Variants in MYO5B observed in about 807,000 individuals in gnomAD.
MYO5B encodes the protein unconventional myosin-Vb.
A neutral mutation model predicts 229.3 loss-of-function variants in MYO5B; 143 were observed. The ratio of observed to expected loss-of-function variants is 0.62; its 90% CI spans 0.54 to 0.72. The LOEUF (loss-of-function observed/expected upper bound fraction) is 0.72, where lower values mean the gene tolerates loss of function less well. MYO5B is among the 30% of genes least tolerant of loss of function. The probability of loss-of-function intolerance (pLI) is 0.00; values close to 1 mark genes in which losing one functional copy is unlikely to be tolerated. For synonymous variants in MYO5B, 918 were observed against 885.2 expected (o/e 1.04, Z -0.66); for missense variants, 2,321 against 2,331.0 (o/e 1.00, Z 0.09).
At chr18:49,847,088 A>C in intron 33 of MYO5B, 58 bp downstream of exon 33, 1 of 1,601,418 alleles carries the variant, frequency 6.2e-7, no homozygotes, top group Non-Finnish European at 8.5e-7. Context: ...GGGGATGGAG[A>C]TGGGAGCGGG....
chr18:49,953,090 A>G (rs1270632264), intron 14 of MYO5B, among the ~76,000 whole-genome samples, 170 bp downstream of exon 14: 3 of 152,252 alleles, frequency 2.0e-5, no homozygotes, highest in East Asian at 3.9e-4. Context: ...ACACATTCAC[A>G]GTGGTATGGC....
chr18:50,185,305 G>C (rs1252220162), intron 1 of MYO5B, among the ~76,000 whole-genome samples: 4 of 151,494 alleles, frequency 2.6e-5, no homozygotes, highest in African/African-American at 9.7e-5. Context: ...AAAAAAAAGA[G>C]AGAGAGAGAG....
chr18:49,904,965 C>A, intron 19 of MYO5B, 137 bp from the exon 20 acceptor site: 1 of 1,000,364 alleles, frequency 1.0e-6, no homozygotes, highest in Admixed American at 2.0e-5. Flanking sequence ...AACCAACTCT[C>A]TTCACCCCTA....
chr18:50,058,783 C>A (rs1172821625), intron 1 of MYO5B, among the ~76,000 whole-genome samples: 1 of 152,094 alleles, frequency 6.6e-6, no homozygotes, highest in Non-Finnish European at 1.5e-5. Flanking sequence ...TGCACTCCAG[C>A]CTGGGTGACA....
intron 14 of MYO5B, among the ~76,000 whole-genome samples, chr18:49,941,995 A>T (rs2144222472): frequency 1.1e-5 from 1 of 93,278 alleles, no homozygotes; most frequent in African/African-American, 4.6e-5. Flanking sequence ...GATCAATGGG[A>T]TCTATGTCTG....
At chr18:50,028,812 A>G (rs1815938) in intron 4 of MYO5B, among the ~76,000 whole-genome samples, 148,951 of 152,296 alleles carry the variant, frequency 0.98, 72,935 homozygotes, top group East Asian at 1. Context: ...TGCTTCTCCA[A>G]GTAAAATAGT....
intron 12 of MYO5B, among the ~76,000 whole-genome samples, chr18:49,956,116 G>A (rs2025489717): frequency 6.6e-6 from 1 of 152,172 alleles, no homozygotes; most frequent in Non-Finnish European, 1.5e-5. Flanking sequence ...ATAATTTTCT[G>A]ACAAGGATCA....
At chr18:50,177,293 A>G (rs73959896) in intron 1 of MYO5B, among the ~76,000 whole-genome samples, 4 of 152,300 alleles carry the variant, frequency 2.6e-5, no homozygotes, top group African/African-American at 4.8e-5. Flanking sequence ...TACTTTGAAT[A>G]TTACCGTGTT....
At chr18:50,126,202 A>G (rs754038108) in intron 1 of MYO5B, among the ~76,000 whole-genome samples, 3 of 152,250 alleles carry the variant, frequency 2.0e-5, no homozygotes, top group Non-Finnish European at 2.9e-5. Flanking sequence ...AAAAAACAGT[A>G]AATTTTACTT....
intron 10 of MYO5B, among the ~76,000 whole-genome samples, chr18:49,964,599 G>T (rs1418663666): frequency 6.6e-6 from 1 of 152,076 alleles, no homozygotes; most frequent in Admixed American, 6.5e-5. Context: ...TGTAATGTTA[G>T]CTTTTTAAAG....
rs752799569 is a variant in MYO5B, at chr18:49,879,031, G to A, written c.3190C>T (p.Arg1064Ter). 6.2e-6 allele frequency: 10 copies of A among 1,604,658 alleles called. No individual in the cohort carries two copies. Among genetic ancestry groups the A allele is most frequent in the Non-Finnish European group, 6.8e-6 (8 of 1,177,654 alleles). Residue 1064 changes from arginine (R) to a stop codon, truncating the protein, a stop_gained, in exon 24 of 40, where the codon CGA becomes TGA. Coordinates refer to ENST00000285039, the MANE Select transcript of MYO5B (RefSeq NM_001080467.3). LOFTEE classifies it high-confidence loss of function. The part of the protein sequence containing the change: ...NLMKKELEEE[R>*]SRYQNLVKEY... ...TTCACAAGGTTCTGGTACCGGGATC[G>A]CTCCTCCTCCAGTTCTTTCTTCATG...
At chr18:50,007,574 C>T (rs556198679) in intron 4 of MYO5B, among the ~76,000 whole-genome samples, 10 of 152,330 alleles carry the variant, frequency 6.6e-5, no homozygotes, top group African/African-American at 2.2e-4. Flanking sequence ...CCTGGGGGAC[C>T]GAGCACCTCT....
intron 4 of MYO5B, among the ~76,000 whole-genome samples, chr18:50,014,683 G>C (rs1402483629): frequency 6.6e-6 from 1 of 152,206 alleles, no homozygotes; most frequent in Non-Finnish European, 1.5e-5. Flanking sequence ...AAAGGGGACA[G>C]CTGCTATTTT....
intron 29 of MYO5B, among the ~76,000 whole-genome samples, chr18:49,859,248 G>A (rs2024299937): frequency 6.6e-6 from 1 of 152,184 alleles, no homozygotes; most frequent in East Asian, 1.9e-4. Flanking sequence ...TTATCGCAAA[G>A]GTTTCTTCCA....
chr18:50,082,390 A>C (rs73446682), intron 1 of MYO5B, among the ~76,000 whole-genome samples: 6,490 of 152,370 alleles, frequency 0.043, 147 homozygotes, highest in African/African-American at 0.054. Context: ...GTGAAAAAAC[A>C]CATCTTAAAA....
chr18:50,007,463 T>A (rs1376092212), intron 4 of MYO5B, among the ~76,000 whole-genome samples: 1 of 152,170 alleles, frequency 6.6e-6, no homozygotes, highest in African/African-American at 2.4e-5. Flanking sequence ...TCATGAAACT[T>A]TCTGAAAATG....
At chr18:50,157,384 T>C (rs1286895773) in intron 1 of MYO5B, among the ~76,000 whole-genome samples, 1 of 152,160 alleles carries the variant, frequency 6.6e-6, no homozygotes, top group Admixed American at 6.5e-5. Flanking sequence ...GAATATGGGA[T>C]AAAATCTAAA....
intron 20 of MYO5B, among the ~76,000 whole-genome samples, chr18:49,903,420 G>A (rs761953718): frequency 9.9e-5 from 15 of 152,192 alleles, no homozygotes; most frequent in Non-Finnish European, 1.3e-4. Context: ...ACAGCCATGA[G>A]TGACAGAGCT....
In MYO5B at chr18:50,115,547, G is replaced by GACACACACACACACAC. The variant is rs56886992; in HGVS notation, c.28-60185_28-60170dup. 2.4e-5 allele frequency among the ~76,000 whole-genome samples: 3 copies of GACACACACACACACAC among 125,180 alleles called. No individual in the cohort carries two copies. In the South Asian group the frequency reaches 7.5e-4, roughly 31 times the overall value. The allele number at this position is 125,180 out of a possible 152,430, so 82.1% of individuals were successfully genotyped here. On this transcript the variant is annotated intron_variant, in intron 1 of 39. Transcript: ENST00000285039. ...AAACACACACACACACACACAGAGAGACACACACACACACACACACACACA... is the reference window on the plus strand; with the variant it reads ...AAACACACACACACACACACAGAGAGACACACACACACACACACACACACACACACACACACACACA...
Sources: gnomAD v4.1 joint callset for allele counts (sites outside exome capture counted in the v4.1 genomes callset) on GRCh38, gnomAD v4.1.1 for gene constraint, MANE v1.5 for transcripts, NCBI Gene and HGNC (gene_info 2026-07-23, HGNC 2026-07-21) for gene names.